NPAS3: variants seen among roughly 807,000 people sequenced by gnomAD.
The protein encoded by NPAS3 is neuronal PAS domain-containing protein 3.
Under a neutral mutation model 73.1 loss-of-function variants are expected in NPAS3, and 14 were observed. The ratio of observed to expected loss-of-function variants is 0.19; its 90% CI spans 0.13 to 0.30. NPAS3 has a LOEUF of 0.30. Ranked by LOEUF, NPAS3 falls within the 10% of genes least tolerant of loss-of-function variation. The pLI, the probability that NPAS3 is intolerant of heterozygous loss-of-function variation, is 1.00. For synonymous variants in NPAS3, 620 were observed against 541.5 expected, an observed-to-expected ratio of 1.14 and a Z score of -2.01; for missense variants, 1,096 against 1,250.0, an observed-to-expected ratio of 0.88 and a Z score of 1.86.
intron 2 of NPAS3, among the ~76,000 whole-genome samples, chr14:33,176,227 A>G (rs1005648788): frequency 2.0e-5 from 3 of 152,254 alleles, no homozygotes; most frequent in Non-Finnish European, 4.4e-5. Context: ...GTAAAGATAC[A>G]TAACATAAAA....
chr14:33,199,005 C>T (rs1012963890), intron 2 of NPAS3, among the ~76,000 whole-genome samples: 4 of 152,296 alleles, frequency 2.6e-5, no homozygotes, highest in African/African-American at 4.8e-5. Context: ...TGTCCGTGGC[C>T]GGCGGTGCCG....
At chr14:33,663,316 G>C (rs1367019571) in intron 5 of NPAS3, among the ~76,000 whole-genome samples, 1 of 152,068 alleles carries the variant, frequency 6.6e-6, no homozygotes, top group South Asian at 2.1e-4. Context: ...TTTATCTGTT[G>C]AGATAATCAT....
Position 33,676,498 on chromosome 14 carries a change from TCCATGCAGCTTCCAGTC to T in NPAS3, c.733+122_733+138del, listed in dbSNP as rs1007215360. 1.3e-5 allele frequency: 10 copies of T among 763,446 alleles called. No individual in the cohort carries two copies. The Admixed American group carries it at 2.2e-4, about 17-fold the overall frequency. 47.3% of individuals were successfully genotyped at this position (763,446 alleles called of 1,614,324 possible). Reference sequence around the variant, plus strand: ...AATAGGTCTAAGGGTATTTAACAATTCCATGCAGCTTCCAGTCCCATGCAGTAATTAAATAAGGAAGA... The same window carrying T: ...AATAGGTCTAAGGGTATTTAACAATTCCATGCAGTAATTAAATAAGGAAGA... On this transcript the variant is annotated intron_variant, in intron 6 of 11. Transcript: ENST00000356141.
At chr14:33,698,539 C>G (rs967192692) in intron 6 of NPAS3, among the ~76,000 whole-genome samples, 3 of 152,150 alleles carry the variant, frequency 2.0e-5, no homozygotes, top group African/African-American at 4.8e-5. Flanking sequence ...AATTTCACTC[C>G]CCAAAGAAGA....
At chr14:33,322,722 C>A (rs2043511961) in intron 3 of NPAS3, among the ~76,000 whole-genome samples, 1 of 152,052 alleles carries the variant, frequency 6.6e-6, no homozygotes, top group Admixed American at 6.6e-5. Flanking sequence ...ATAGATAAAA[C>A]TACAGTAGGT....
At chr14:33,794,644 C>A (rs2063460609) in intron 10 of NPAS3, among the ~76,000 whole-genome samples, 1 of 143,088 alleles carries the variant, frequency 7.0e-6, no homozygotes. Context: ...GCTTTGTGAT[C>A]TTTGGCAAGC....
At position 33,618,753 on chromosome 14, in the gene NPAS3, G is replaced by A. The variant is rs115040479; in HGVS notation, c.559-57458G>A. Among the ~76,000 whole-genome samples the A allele has an allele frequency of 6.6e-3, 1,009 of 152,286 alleles. 11 individuals are homozygous for A. Among genetic ancestry groups the A allele is most frequent in the African/African-American group, 0.023 (952 of 41,554 alleles). On this transcript the variant is annotated intron_variant, in intron 5 of 11. Transcript: ENST00000356141. The stretch of plus-strand genomic sequence containing the variant: ...GAAATGTTTTCCCACTATTTAAATG[G>A]GTTAATTTGCCACAGTTCATAGAAA...
At chr14:33,256,179 G>A (rs993821047) in intron 3 of NPAS3, among the ~76,000 whole-genome samples, 2 of 152,052 alleles carry the variant, frequency 1.3e-5, no homozygotes, top group Non-Finnish European at 2.9e-5. Context: ...TAAGAGAACC[G>A]GTGTTAAAAG....
chr14:33,659,875 G>A (rs766335766), intron 5 of NPAS3, among the ~76,000 whole-genome samples: 11 of 152,072 alleles, frequency 7.2e-5, no homozygotes, highest in Non-Finnish European at 1.6e-4. Context: ...ATGGTCAATG[G>A]TAGAAACAAA....
chr14:33,133,811 T>C (rs1165484962), intron 2 of NPAS3, among the ~76,000 whole-genome samples: 4 of 152,108 alleles, frequency 2.6e-5, no homozygotes, highest in Admixed American at 6.6e-5. Flanking sequence ...TGACATGATA[T>C]AGTGTCCAAG....
At chr14:33,650,758 C>CTG (rs1021117658) in intron 5 of NPAS3, among the ~76,000 whole-genome samples, 2 of 151,864 alleles carry the variant, frequency 1.3e-5, no homozygotes, top group African/African-American at 4.8e-5. Context: ...CTCTCTCTCT[C>CTG]TCTCTCATTC....
chr14:33,017,056 G>A (rs561778503), intron 1 of NPAS3, among the ~76,000 whole-genome samples: 2 of 152,082 alleles, frequency 1.3e-5, no homozygotes, highest in Admixed American at 1.3e-4. Context: ...TTCTAAATGA[G>A]CCCCTAACTG....
At chr14:33,660,904 A>G (rs937102615) in intron 5 of NPAS3, among the ~76,000 whole-genome samples, 1 of 152,180 alleles carries the variant, frequency 6.6e-6, no homozygotes, top group African/African-American at 2.4e-5. Flanking sequence ...AAGAATGCAT[A>G]TGTATTCACA....
chr14:32,966,071 A>C (rs973208988), intron 1 of NPAS3, among the ~76,000 whole-genome samples: 3 of 152,212 alleles, frequency 2.0e-5, no homozygotes, highest in Non-Finnish European at 4.4e-5. Context: ...AAATGGAAAG[A>C]TATCTCATGT....
intron 3 of NPAS3, among the ~76,000 whole-genome samples, chr14:33,339,186 G>A (rs1372961842): frequency 2.0e-5 from 3 of 152,154 alleles, no homozygotes; most frequent in South Asian, 2.1e-4. Context: ...TACGCTAAAT[G>A]TTATTATAAT....
At chr14:33,211,796 T>C (rs1337669960) in intron 2 of NPAS3, among the ~76,000 whole-genome samples, 1 of 152,188 alleles carries the variant, frequency 6.6e-6, no homozygotes, top group East Asian at 1.9e-4. Flanking sequence ...AATGTAGTCA[T>C]CAAAAAGAGT....
At chr14:33,566,848 C>T (rs2055973152) in intron 5 of NPAS3, among the ~76,000 whole-genome samples, 1 of 152,200 alleles carries the variant, frequency 6.6e-6, no homozygotes, top group Non-Finnish European at 1.5e-5. Flanking sequence ...AGGTATTTCT[C>T]TTATAACCTT....
intron 2 of NPAS3, among the ~76,000 whole-genome samples, chr14:33,087,662 A>G (rs1405230316): frequency 6.6e-6 from 1 of 152,182 alleles, no homozygotes; most frequent in Non-Finnish European, 1.5e-5. Flanking sequence ...TTGGGGGAGA[A>G]ATGTAATTTT....
intron 3 of NPAS3, among the ~76,000 whole-genome samples, chr14:33,228,007 G>A (rs1194018914): frequency 3.3e-5 from 5 of 152,150 alleles, no homozygotes; most frequent in Admixed American, 1.3e-4. Flanking sequence ...AAATGGCATA[G>A]TTGGACCTGT....
Sources: allele counts gnomAD v4.1 joint callset (sites outside exome capture counted in the v4.1 genomes callset), GRCh38; gene constraint gnomAD v4.1.1; transcripts MANE v1.5; gene names NCBI Gene and HGNC (gene_info 2026-07-23, HGNC 2026-07-21).